Variants in SMOC1 observed in about 807,000 individuals in gnomAD.
SMOC1 encodes the protein SPARC related modular calcium binding 1.
In SMOC1, 22 loss-of-function variants were observed where a neutral mutation model predicts 56.3. The ratio of observed to expected loss-of-function variants is 0.39; its 90% CI spans 0.28 to 0.56. The LOEUF is 0.56. Among genes scored for constraint, SMOC1 ranks in the 20% least tolerant of loss-of-function variants. The pLI, the probability that SMOC1 is intolerant of heterozygous loss-of-function variation, is 0.61. For missense variants in SMOC1, 509 were observed against 565.4 expected (o/e 0.90, Z 1.01); for synonymous variants, 193 against 215.0 (o/e 0.90, Z 0.89).
intron 1 of SMOC1, among the ~76,000 whole-genome samples, chr14:69,941,159 C>T (rs917363538): frequency 6.6e-6 from 1 of 152,178 alleles, no homozygotes; most frequent in Admixed American, 6.5e-5. Context: ...CCTACCTAGC[C>T]TCGTGGAAGT....
intron 7 of SMOC1, among the ~76,000 whole-genome samples, chr14:69,999,353 C>G (rs1884885506): frequency 6.6e-6 from 1 of 152,120 alleles, no homozygotes; most frequent in Non-Finnish European, 1.5e-5. Flanking sequence ...CTTGGCCCGC[C>G]TAGAAACCAC....
chr14:69,907,517 T>C (rs1053432762), intron 1 of SMOC1, among the ~76,000 whole-genome samples: 1 of 152,242 alleles, frequency 6.6e-6, no homozygotes, highest in Non-Finnish European at 1.5e-5. Context: ...TCCCACTTTA[T>C]CTTGTAATGA....
At position 70,000,950 on chromosome 14, in the gene SMOC1, T is replaced by C. The variant is rs1040705348; in HGVS notation, c.664+6470T>C. On this transcript the variant is annotated intron_variant, in intron 7 of 11. Coordinates refer to ENST00000361956, the MANE Select transcript of SMOC1 (RefSeq NM_001034852.3). ...GGGGTGGACGGTGTTACTTTTGTGC[T>C]GAAGATGGGATCTCCGAGACATAGC... 2.0e-5 allele frequency among the ~76,000 whole-genome samples: 3 copies of C among 152,288 alleles called. No individual in the cohort carries two copies. In the South Asian group the frequency reaches 6.2e-4, roughly 32 times the overall value.
chr14:69,993,621 C>G (rs1217753372), intron 6 of SMOC1, among the ~76,000 whole-genome samples: 1 of 152,174 alleles, frequency 6.6e-6, no homozygotes, highest in Non-Finnish European at 1.5e-5. Context: ...TGTGCAATAT[C>G]CTTTGCAATC....
chr14:70,005,484 C>T (rs902924932), intron 7 of SMOC1, among the ~76,000 whole-genome samples: 6 of 152,146 alleles, frequency 3.9e-5, no homozygotes, highest in African/African-American at 1.4e-4. Context: ...CCTGCCCACT[C>T]CTGCTGGACT....
rs1281445062 is a variant in SMOC1, at chr14:70,027,484, G to C, written c.1292-2758G>C. Among the ~76,000 whole-genome samples, 6 of 152,248 alleles carry C rather than the reference G, an allele frequency of 3.9e-5. No individual in the cohort carries two copies. The East Asian group carries it at 1.2e-3, about 29-fold the overall frequency. On this transcript the variant is annotated intron_variant, in intron 11 of 11. Coordinates refer to ENST00000361956, the MANE Select transcript of SMOC1 (RefSeq NM_001034852.3). ...AGGGTGCCACCAGCAACCTGAGTGGGGAAGCCCACAGTTTCCAGGCAGGCA... is the reference window on the plus strand; with the variant it reads ...AGGGTGCCACCAGCAACCTGAGTGGCGAAGCCCACAGTTTCCAGGCAGGCA...
chr14:69,988,706 T>C (rs1884453859), intron 5 of SMOC1, among the ~76,000 whole-genome samples: 1 of 152,232 alleles, frequency 6.6e-6, no homozygotes, highest in Non-Finnish European at 1.5e-5. Flanking sequence ...AGGTATTTTC[T>C]ACTCCTACCT....
intron 5 of SMOC1, among the ~76,000 whole-genome samples, chr14:69,979,183 TG>T (rs1884086484): frequency 2.6e-5 from 4 of 152,078 alleles, no homozygotes; most frequent in Admixed American, 1.3e-4. Flanking sequence ...GGTAAAGCCC[TG>T]GGCCCTGCCT....
At chr14:69,993,612 G>A (rs1884649929) in intron 6 of SMOC1, among the ~76,000 whole-genome samples, 1 of 152,318 alleles carries the variant, frequency 6.6e-6, no homozygotes, top group South Asian at 2.1e-4. Flanking sequence ...GGATTGAAAT[G>A]TGCAATATCC....
At chr14:69,934,621 C>G (rs532631627) in intron 1 of SMOC1, among the ~76,000 whole-genome samples, 1 of 152,280 alleles carries the variant, frequency 6.6e-6, no homozygotes, top group East Asian at 1.9e-4. Flanking sequence ...AGTCCTACTC[C>G]TCTCCTTTTT....
chr14:69,902,501 G>A (rs1884269972), intron 1 of SMOC1, among the ~76,000 whole-genome samples: 1 of 152,178 alleles, frequency 6.6e-6, no homozygotes, highest in Non-Finnish European at 1.5e-5. Flanking sequence ...GAGTGACACT[G>A]TGTGAGTTGT....
At chr14:69,974,120 G>C (rs993930519) in intron 3 of SMOC1, among the ~76,000 whole-genome samples, 7 of 152,288 alleles carry the variant, frequency 4.6e-5, no homozygotes, top group South Asian at 2.1e-4. Flanking sequence ...TGAATGTCAG[G>C]CATTATGTTA....
chr14:69,967,374 C>A (rs1883610772), intron 3 of SMOC1, among the ~76,000 whole-genome samples: 1 of 152,234 alleles, frequency 6.6e-6, no homozygotes, highest in South Asian at 2.1e-4. Context: ...ATTAAGCTTG[C>A]CCATCCCATG....
At chr14:69,997,036 C>A (rs1884791624) in intron 7 of SMOC1, among the ~76,000 whole-genome samples, 1 of 152,162 alleles carries the variant, frequency 6.6e-6, no homozygotes, top group Non-Finnish European at 1.5e-5. Context: ...CCCTGTATGG[C>A]CTGCAAAGCC....
intron 1 of SMOC1, among the ~76,000 whole-genome samples, chr14:69,903,718 A>G (rs1446061166): frequency 6.6e-6 from 1 of 152,092 alleles, no homozygotes; most frequent in Non-Finnish European, 1.5e-5. Flanking sequence ...GCTCGTTAAT[A>G]GTCATCACCA....
At chr14:70,011,451 C>CCG in intron 8 of SMOC1, 34 bp from the exon 9 acceptor site, 1 of 1,395,964 alleles carries the variant, frequency 7.2e-7, no homozygotes, top group African/African-American at 1.5e-5. Flanking sequence ...GTTGCCAGCC[C>CCG]CTCCCAACCC....
intron 1 of SMOC1, among the ~76,000 whole-genome samples, chr14:69,894,907 T>C (rs1455425162): frequency 1.3e-5 from 2 of 152,238 alleles, no homozygotes; most frequent in Non-Finnish European, 2.9e-5. Context: ...AGGCCCGCAG[T>C]TGAAAGATTC....
At chr14:69,991,530 C>T (rs946116901) in intron 5 of SMOC1, among the ~76,000 whole-genome samples, 18 of 151,940 alleles carry the variant, frequency 1.2e-4, no homozygotes, top group African/African-American at 4.4e-4. Flanking sequence ...TTTTTGGGGC[C>T]CTGATGAAAG....
intron 1 of SMOC1, among the ~76,000 whole-genome samples, chr14:69,888,266 T>G (rs1173748323): frequency 6.6e-6 from 1 of 152,210 alleles, no homozygotes; most frequent in East Asian, 1.9e-4. Flanking sequence ...ACTGTCCCCA[T>G]GAAGACCCCA....
Sources: gnomAD v4.1 joint callset for allele counts (sites outside exome capture counted in the v4.1 genomes callset) on GRCh38, gnomAD v4.1.1 for gene constraint, MANE v1.5 for transcripts, NCBI Gene and HGNC (gene_info 2026-07-23, HGNC 2026-07-21) for gene names.